The following APBB2 variants were observed in gnomAD, a reference collection of about 807,000 sequenced individuals.
The protein encoded by APBB2 is amyloid beta precursor protein binding family B member 2, also known as Fe65-like 1.
Under a neutral mutation model 82.5 loss-of-function variants are expected in APBB2, and 38 were observed. The ratio of observed to expected loss-of-function variants is 0.46; its 90% CI spans 0.36 to 0.60. The LOEUF (loss-of-function observed/expected upper bound fraction) is 0.60, where lower values mean the gene tolerates loss of function less well. Among genes scored for constraint, APBB2 ranks in the 20% least tolerant of loss-of-function variants. APBB2 has a pLI of 0.00. For synonymous variants in APBB2, 341 were observed against 368.2 expected, an observed-to-expected ratio of 0.93 and a Z score of 0.85; for missense variants, 772 against 972.3, an observed-to-expected ratio of 0.79 and a Z score of 2.74.
chr4:40,928,492 T>C (rs1472030457), intron 10 of APBB2, among the ~76,000 whole-genome samples: 1 of 151,404 alleles, frequency 6.6e-6, no homozygotes, highest in African/African-American at 2.4e-5. Context: ...GGCAGGAGAA[T>C]CGATTGAACC....
At chr4:41,000,061 A>ATG (rs1218564307) in intron 6 of APBB2, among the ~76,000 whole-genome samples, 59 of 113,226 alleles carry the variant, frequency 5.2e-4, no homozygotes, top group Admixed American at 7.1e-4. Flanking sequence ...ATGTATATAT[A>ATG]TGTGTGTATG....
At chr4:41,017,537 G>A (rs958709259) in intron 5 of APBB2, among the ~76,000 whole-genome samples, 1 of 152,180 alleles carries the variant, frequency 6.6e-6, no homozygotes, top group African/African-American at 2.4e-5. Flanking sequence ...CTACTTCCTG[G>A]TTAAAAATGG....
At position 41,158,880 on chromosome 4, in the gene APBB2, G is replaced by T. The variant is rs140774270; in HGVS notation, c.-416-15738C>A. Reference sequence around the variant, plus strand: ...ACAAATGAGGAAACTGAGGAGCAGAGAGGTTCCTAGCATAGCCGAGATTCC... The same window carrying T: ...ACAAATGAGGAAACTGAGGAGCAGATAGGTTCCTAGCATAGCCGAGATTCC... On this transcript the variant is annotated intron_variant, in intron 1 of 17. Coordinates refer to ENST00000508593, the MANE Select transcript of APBB2 (RefSeq NM_004307.2). Among the ~76,000 whole-genome samples, 332 of 152,304 alleles carry T rather than the reference G, an allele frequency of 2.2e-3. 1 individual carries two copies. Among genetic ancestry groups the T allele is most frequent in the African/African-American group, 7.7e-3 (322 of 41,562 alleles).
At chr4:40,963,400 T>C (rs886557744) in intron 6 of APBB2, among the ~76,000 whole-genome samples, 1 of 152,046 alleles carries the variant, frequency 6.6e-6, no homozygotes, top group Non-Finnish European at 1.5e-5. Flanking sequence ...GTATGCACCA[T>C]CACACCCAAC....
chr4:41,136,535 A>G (rs1378523966), intron 2 of APBB2, among the ~76,000 whole-genome samples: 1 of 152,204 alleles, frequency 6.6e-6, no homozygotes, highest in Non-Finnish European at 1.5e-5. Context: ...GGTAACACAC[A>G]TGTCAGTTGC....
chr4:41,001,175 A>G (rs1397564568), intron 6 of APBB2, among the ~76,000 whole-genome samples: 1 of 152,192 alleles, frequency 6.6e-6, no homozygotes, highest in Non-Finnish European at 1.5e-5. Context: ...AGTCATCTCC[A>G]TTCTCACTTT....
chr4:41,132,486 T>C (rs1263212600), intron 2 of APBB2, among the ~76,000 whole-genome samples: 1 of 152,206 alleles, frequency 6.6e-6, no homozygotes, highest in Non-Finnish European at 1.5e-5. Context: ...GCAAACAGCT[T>C]TCCTGATTAG....
chr4:41,007,332 C>A (rs1344977199), intron 6 of APBB2, among the ~76,000 whole-genome samples: 1 of 151,798 alleles, frequency 6.6e-6, no homozygotes. Flanking sequence ...TGGTGTTATG[C>A]TCTTGGACTT....
chr4:41,052,818 G>A (rs965855633), intron 4 of APBB2, among the ~76,000 whole-genome samples: 4 of 150,512 alleles, frequency 2.7e-5, no homozygotes, highest in African/African-American at 9.8e-5. Context: ...CCCAGCTGGA[G>A]TGCAGTGGCG....
At chr4:40,985,493 A>G (rs543253113) in intron 6 of APBB2, among the ~76,000 whole-genome samples, 4 of 152,202 alleles carry the variant, frequency 2.6e-5, no homozygotes, top group Non-Finnish European at 5.9e-5. Flanking sequence ...AACAGAGAGC[A>G]CAGGGCCAAT....
At chr4:41,206,481 T>A (rs1222961893) in intron 1 of APBB2, among the ~76,000 whole-genome samples, 1 of 152,210 alleles carries the variant, frequency 6.6e-6, no homozygotes, top group East Asian at 1.9e-4. Flanking sequence ...GGTTTCTGGA[T>A]GTCACCAAAT....
chr4:41,070,903 A>G (rs956981793), intron 3 of APBB2, among the ~76,000 whole-genome samples: 4 of 152,226 alleles, frequency 2.6e-5, no homozygotes, highest in African/African-American at 7.2e-5. Flanking sequence ...GGAAGGGAAT[A>G]TATTTGCCAG....
At chr4:41,191,128 A>G (rs1197161542) in intron 1 of APBB2, among the ~76,000 whole-genome samples, 2 of 152,206 alleles carry the variant, frequency 1.3e-5, no homozygotes, top group Non-Finnish European at 2.9e-5. Flanking sequence ...AGGAAGGAGA[A>G]CGCTCAGACT....
chr4:40,914,602 A>G (rs1031401150), intron 10 of APBB2, among the ~76,000 whole-genome samples: 5 of 152,322 alleles, frequency 3.3e-5, no homozygotes, highest in African/African-American at 9.6e-5. Flanking sequence ...AGATAAACAA[A>G]TAAATGGAAA....
intron 10 of APBB2, among the ~76,000 whole-genome samples, chr4:40,912,977 G>C (rs1778938794): frequency 6.6e-6 from 1 of 152,228 alleles, no homozygotes; most frequent in African/African-American, 2.4e-5. Context: ...AGGTCCGCAT[G>C]GCTGATTTAC....
intron 6 of APBB2, 34 bp from the exon 7 acceptor site, chr4:40,945,107 G>A (rs754636944): frequency 1.4e-6 from 2 of 1,383,292 alleles, no homozygotes; most frequent in South Asian, 1.1e-5. Flanking sequence ...GGGGGAGAAA[G>A]AGAGAATTTT....
chr4:40,991,242 C>T (rs552492619), intron 6 of APBB2, among the ~76,000 whole-genome samples: 87 of 142,420 alleles, frequency 6.1e-4, no homozygotes, highest in Non-Finnish European at 1.0e-3. Context: ...GTCTCGAACT[C>T]CTGGGCTCAA....
chr4:41,206,576 C>G (rs1047586881), intron 1 of APBB2, among the ~76,000 whole-genome samples: 2 of 152,220 alleles, frequency 1.3e-5, no homozygotes, highest in African/African-American at 4.8e-5. Flanking sequence ...ATCAGATAAT[C>G]TGAAGAATCT....
At chr4:40,911,102 T>A (rs1472517267) in intron 10 of APBB2, among the ~76,000 whole-genome samples, 1 of 152,212 alleles carries the variant, frequency 6.6e-6, no homozygotes, top group Non-Finnish European at 1.5e-5. Context: ...AGACATAGGG[T>A]TGACCCTTGA....
Sources: gnomAD v4.1 joint callset for allele counts (sites outside exome capture counted in the v4.1 genomes callset) on GRCh38, gnomAD v4.1.1 for gene constraint, MANE v1.5 for transcripts, NCBI Gene and HGNC (gene_info 2026-07-23, HGNC 2026-07-21) for gene names.